RABGAP1L: variants seen among roughly 807,000 people sequenced by gnomAD.
RABGAP1L encodes RAB GTPase activating protein 1 like, also known as rab GTPase-activating protein 1-like.
In RABGAP1L, 63 loss-of-function variants were observed where a neutral mutation model predicts 137.7. The ratio of observed to expected loss-of-function variants is 0.46; its 90% CI spans 0.37 to 0.56. RABGAP1L has a LOEUF of 0.56. Ranked by LOEUF, RABGAP1L falls within the 20% of genes least tolerant of loss-of-function variation. RABGAP1L has a pLI of 0.00. For synonymous variants in RABGAP1L, 431 were observed against 433.7 expected (o/e 0.99, Z 0.08); for missense variants, 1,095 against 1,244.0 (o/e 0.88, Z 1.80).
intron 19 of RABGAP1L, among the ~76,000 whole-genome samples, chr1:174,900,711 G>T (rs554373141): frequency 6.6e-6 from 1 of 152,020 alleles, no homozygotes; most frequent in Non-Finnish European, 1.5e-5. Context: ...GTAGAGACAG[G>T]GTTTCACCAT....
rs1668720843 is a variant in RABGAP1L at position 174,581,182 on chromosome 1, G to C, written c.1711-56193G>C. ...ATTCTATTTATAGGTAAATAGCCAA[G>C]AGAATTGAAAGCAAAGCAACACAAA... On this transcript the variant is annotated intron_variant, in intron 13 of 25. Coordinates refer to ENST00000681986, the MANE Select transcript of RABGAP1L (RefSeq NM_001366446.1). Among the ~76,000 whole-genome samples, 5 of 152,256 alleles carry C rather than the reference G, an allele frequency of 3.3e-5. No individual in the cohort carries two copies. The South Asian group carries it at 1.0e-3, about 32-fold the overall frequency.
rs181630874 is a variant in RABGAP1L, at chr1:174,660,171, C to T, written c.1824+22683C>T. 3.8e-3 allele frequency among the ~76,000 whole-genome samples: 578 copies of T among 152,240 alleles called. 4 individuals are homozygous for T. Among genetic ancestry groups the T allele is most frequent in the Middle Eastern group, 0.014 (4 of 294 alleles). ...TGTGCTGCAAGTGAAGGACCTTGTT[C>T]GCTCTCCACCAGGGACAGAAATAGC... On this transcript the variant is annotated intron_variant, in intron 14 of 25. Coordinates refer to ENST00000681986, the MANE Select transcript of RABGAP1L (RefSeq NM_001366446.1).
intron 17 of RABGAP1L, among the ~76,000 whole-genome samples, chr1:174,722,067 G>A (rs547082342): frequency 3.9e-4 from 60 of 152,168 alleles, no homozygotes; most frequent in African/African-American, 1.4e-3. Flanking sequence ...TAGTAGTTGG[G>A]ATTACAGGCA....
At chr1:174,354,991 A>G (rs1448818088) in intron 11 of RABGAP1L, among the ~76,000 whole-genome samples, 2 of 152,186 alleles carry the variant, frequency 1.3e-5, no homozygotes. Flanking sequence ...GTGGAGAAAT[A>G]GGAACACTTT....
chr1:174,245,057 G>A (rs563626858), intron 5 of RABGAP1L: 5 of 152,264 alleles, frequency 3.3e-5, no homozygotes, highest in Admixed American at 6.5e-5. Context: ...AAAAGAAAAC[G>A]TGTTCCTTGC....
chr1:174,744,414 T>C (rs1683706905), intron 17 of RABGAP1L, among the ~76,000 whole-genome samples: 1 of 152,246 alleles, frequency 6.6e-6, no homozygotes, highest in Admixed American at 6.5e-5. Flanking sequence ...CATTGCTTTA[T>C]AGATCATAGC....
intron 13 of RABGAP1L, among the ~76,000 whole-genome samples, chr1:174,478,765 G>T (rs555702170): frequency 6.6e-6 from 1 of 151,994 alleles, no homozygotes; most frequent in African/African-American, 2.4e-5. Context: ...CTTACAAACC[G>T]TTGCTACCTA....
At chr1:174,735,612 C>CAAAAAAAAAAAAAAAAAAA in intron 17 of RABGAP1L, among the ~76,000 whole-genome samples, 1 of 46,134 alleles carries the variant, frequency 2.2e-5, no homozygotes, top group Non-Finnish European at 3.8e-5. Context: ...AACTCCATCT[C>CAAAAAAAAAAAAAAAAAAA]AAAAAAAAAA....
At chr1:174,961,567 G>A (rs1046741109) in intron 20 of RABGAP1L, among the ~76,000 whole-genome samples, 1 of 152,086 alleles carries the variant, frequency 6.6e-6, no homozygotes, top group Non-Finnish European at 1.5e-5. Flanking sequence ...CTAATTGGCC[G>A]GGCATGGTGG....
At chr1:174,695,250 T>G (rs866246649) in intron 15 of RABGAP1L, among the ~76,000 whole-genome samples, 2 of 152,152 alleles carry the variant, frequency 1.3e-5, no homozygotes, top group African/African-American at 4.8e-5. Flanking sequence ...GGATTTGCCC[T>G]TTTGAGGCTA....
intron 10 of RABGAP1L, among the ~76,000 whole-genome samples, chr1:174,300,091 A>G (rs1677523717): frequency 6.6e-6 from 1 of 152,246 alleles, no homozygotes; most frequent in African/African-American, 2.4e-5. Flanking sequence ...TGATTTTTGA[A>G]CATATATTAT....
At chr1:174,905,649 G>A (rs760002105) in intron 19 of RABGAP1L, among the ~76,000 whole-genome samples, 16 of 152,134 alleles carry the variant, frequency 1.1e-4, no homozygotes, top group Admixed American at 7.9e-4. Flanking sequence ...TCAGGAGTTC[G>A]AGACCAGCGT....
chr1:174,448,872 A>T lies in RABGAP1L; in HGVS notation c.1710+54727A>T. 1 of 1,613,838 alleles carries T rather than the reference A, an allele frequency of 6.2e-7. No homozygotes were observed. The highest frequency in any genetic ancestry group is 8.5e-7 in the Non-Finnish European group (1 of 1,179,730). Reference sequence around the variant, plus strand: ...AGTCATGAGGTAGATTCTTCCAGAGAGACTGGACACAGCCCTGACCGTCGC... The same window carrying T: ...AGTCATGAGGTAGATTCTTCCAGAGTGACTGGACACAGCCCTGACCGTCGC... On this transcript the variant is annotated intron_variant, in intron 13 of 25. Coordinates refer to ENST00000681986, the MANE Select transcript of RABGAP1L (RefSeq NM_001366446.1). This position sits in a 1 kb window ranked among gnomAD's most constrained non-coding sequence, Gnocchi z 4.2.
intron 11 of RABGAP1L, among the ~76,000 whole-genome samples, chr1:174,327,319 TATAATAAG>T (rs1407028425): frequency 3.8e-5 from 3 of 79,462 alleles, no homozygotes; most frequent in African/African-American, 2.0e-4. Flanking sequence ...GGTATAATAA[TATAATAAG>T]GTATAAAAAG....
At chr1:174,304,637 C>T (rs1678027080) in intron 10 of RABGAP1L, among the ~76,000 whole-genome samples, 1 of 152,100 alleles carries the variant, frequency 6.6e-6, no homozygotes, top group African/African-American at 2.4e-5. Flanking sequence ...GAGCTATATA[C>T]TTTAGGTTCG....
chr1:174,311,750 G>A lies in RABGAP1L; in HGVS notation c.1465+6623G>A, dbSNP rs189921379. On this transcript the variant is annotated intron_variant, in intron 11 of 25. Transcript: ENST00000681986. ...GCCTTCTGAGTAGCTGGGATTATGG[G>A]TGTCCAGCACCATGCCTGGCTAATT... is the stretch of plus-strand genomic sequence containing the variant. Among the ~76,000 whole-genome samples, 1,096 of 152,260 alleles carry A rather than the reference G, an allele frequency of 7.2e-3. 11 individuals carry two copies. The highest frequency in any genetic ancestry group is 0.025 in the African/African-American group (1,025 of 41,542).
intron 20 of RABGAP1L, chr1:174,965,000 T>A (rs1227969642): frequency 1.4e-6 from 2 of 1,435,870 alleles, no homozygotes; most frequent in South Asian, 1.2e-5. Context: ...GTTTTTTTTT[T>A]AATCTATGTA....
At chr1:174,260,750 C>A (rs565164877) in intron 7 of RABGAP1L, among the ~76,000 whole-genome samples, 5 of 152,120 alleles carry the variant, frequency 3.3e-5, no homozygotes, top group Non-Finnish European at 7.4e-5. Flanking sequence ...TTAAAATACA[C>A]TATTACTAGC....
At chr1:174,570,319 T>C (rs1352645367) in intron 13 of RABGAP1L, among the ~76,000 whole-genome samples, 6 of 152,226 alleles carry the variant, frequency 3.9e-5, no homozygotes, top group African/African-American at 1.4e-4. Context: ...ATTTTGCCTC[T>C]ATACTGGACA....
Sources: allele counts gnomAD v4.1 joint callset (sites outside exome capture counted in the v4.1 genomes callset), GRCh38; gene constraint gnomAD v4.1.1; non-coding constraint Gnocchi (gnomAD v3.1); transcripts MANE v1.5; gene names NCBI Gene and HGNC (gene_info 2026-07-23, HGNC 2026-07-21).